The following CTSH variants were observed in gnomAD, a reference collection of about 807,000 sequenced individuals.
The protein encoded by CTSH is cathepsin H.
In CTSH, 52 loss-of-function variants were observed where a neutral mutation model predicts 56.3. The observed-to-expected ratio is 0.92, with a 90% CI of 0.74 to 1.16. The LOEUF is 1.16. Among genes scored for constraint, CTSH ranks in the 50% most tolerant of loss-of-function variants. The pLI, the probability that CTSH is intolerant of heterozygous loss-of-function variation, is 0.00. For missense variants in CTSH, 406 were observed against 424.5 expected (o/e 0.96, Z 0.38); for synonymous variants, 174 against 155.7 (o/e 1.12, Z -0.88).
At chr15:78,937,484 C>G in intron 2 of CTSH, 61 bp from the exon 3 acceptor site, 1 of 1,483,106 alleles carries the variant, frequency 6.7e-7, no homozygotes. Context: ...TAGAGGGAGA[C>G]CTTTTTGTTT....
At chr15:78,928,622 T>C (rs1163337575) in intron 8 of CTSH, among the ~76,000 whole-genome samples, 3 of 143,962 alleles carry the variant, frequency 2.1e-5, no homozygotes, top group Non-Finnish European at 4.5e-5. Flanking sequence ...GGAGACTGAG[T>C]TGGAGTCTGG....
At chr15:78,922,856 T>G in intron 11 of CTSH, 137 bp downstream of exon 11, 1 of 1,029,586 alleles carries the variant, frequency 9.7e-7, no homozygotes, top group Non-Finnish European at 1.4e-6. Context: ...ATGCTCCCTT[T>G]CCCCCTGGCC....
rs1310769564 is a variant in CTSH at position 78,944,895 on chromosome 15, G to A, written c.87C>T (p.Ser29=). The change falls in exon 1 of 12, where the codon TCC becomes TCT. Residue 29 remains serine, a synonymous_variant. Transcript: ENST00000220166. ...VCGAAELCVN[S]LEKFHFKSWM... is the part of the protein sequence containing the mutation. ...GGCGGCGCGCCCTCTGCGTACCTAAGGAGTTCACGCACAGTTCGGCGGCAC... is the reference window on the plus strand; with the variant it reads ...GGCGGCGCGCCCTCTGCGTACCTAAAGAGTTCACGCACAGTTCGGCGGCAC... 1.9e-6 allele frequency: 3 copies of A among 1,548,112 alleles called. No homozygotes were observed. Among genetic ancestry groups the A allele is most frequent in the Admixed American group, 2.0e-5 (1 of 50,838 alleles).
In CTSH at chr15:78,923,112, G is replaced by C. The variant is rs771499004; in HGVS notation, c.813C>G (p.Ser271=). 3 of 1,612,264 alleles carry C rather than the reference G, an allele frequency of 1.9e-6. No homozygotes were observed. Among genetic ancestry groups the C allele is most frequent in the Non-Finnish European group, 2.5e-6 (3 of 1,179,558 alleles). The part of the protein sequence containing the change: ...MYRTGIYSST[S]CHKTPDKVNH... The stretch of plus-strand genomic sequence containing the variant: ...TTACTTTATCTGGAGTTTTATGGCA[G>C]GAAGTACTGGAAAACAAAATTCAAA... Residue 271 remains serine, a synonymous_variant, in exon 11 of 12, where the codon TCC becomes TCG. Transcript: ENST00000220166.
At chr15:78,939,245 T>C in intron 1 of CTSH, 74 bp from the exon 2 acceptor site, 1 of 1,252,212 alleles carries the variant, frequency 8.0e-7, no homozygotes, top group East Asian at 2.5e-5. Flanking sequence ...TAGGGCACTT[T>C]AGAACTGATT....
chr15:78,922,234 CCGG>C, intron 11 of CTSH, 29 bp from the exon 12 acceptor site: 1 of 1,547,188 alleles, frequency 6.5e-7, no homozygotes, highest in Non-Finnish European at 8.8e-7. Flanking sequence ...TGAGGCCCGG[CCGG>C]CGGTCTCCCC....
intron 1 of CTSH, among the ~76,000 whole-genome samples, chr15:78,941,444 A>T (rs887458254): frequency 1.3e-5 from 2 of 148,316 alleles, no homozygotes; most frequent in African/African-American, 4.9e-5. Context: ...AAAAAAAAAA[A>T]AAAAAATTAA....
At chr15:78,938,255 G>T (rs1204982597) in intron 2 of CTSH, among the ~76,000 whole-genome samples, 2 of 152,114 alleles carry the variant, frequency 1.3e-5, no homozygotes, top group Non-Finnish European at 2.9e-5. Context: ...TGTAATCCCA[G>T]CTACTCAGGA....
chr15:78,940,681 G>A (rs1396904309), intron 1 of CTSH, among the ~76,000 whole-genome samples: 1 of 152,188 alleles, frequency 6.6e-6, no homozygotes, highest in Non-Finnish European at 1.5e-5. Flanking sequence ...TATTTAGGCG[G>A]GGTGTGGTGG....
At chr15:78,936,150 C>T (rs1319430662) in intron 3 of CTSH, among the ~76,000 whole-genome samples, 3 of 150,390 alleles carry the variant, frequency 2.0e-5, no homozygotes, top group East Asian at 1.9e-4. Context: ...AGCAGGGATG[C>T]GTGATCATTT....
intron 1 of CTSH, 72 bp downstream of exon 1, chr15:78,944,819 C>T: frequency 1.3e-6 from 2 of 1,485,384 alleles, no homozygotes; most frequent in Non-Finnish European, 9.0e-7. Context: ...CCAGTGCGCC[C>T]CTGGCCAAGT....
At chr15:78,940,264 A>G (rs1209040822) in intron 1 of CTSH, among the ~76,000 whole-genome samples, 1 of 152,230 alleles carries the variant, frequency 6.6e-6, no homozygotes, top group East Asian at 1.9e-4. Context: ...ACCTCCAAAG[A>G]CATATTCCAA....
At chr15:78,927,837 C>T in intron 8 of CTSH, 56 bp from the exon 9 acceptor site, 11 of 1,424,496 alleles carry the variant, frequency 7.7e-6, no homozygotes, top group Middle Eastern at 1.8e-4. Context: ...GTCTCAGCCT[C>T]CCCACGCAGT....
At chr15:78,935,805 A>T in intron 3 of CTSH, 55 bp from the exon 4 acceptor site, 2 of 1,336,978 alleles carry the variant, frequency 1.5e-6, no homozygotes, top group South Asian at 2.4e-5. Context: ...TCACTAATGA[A>T]GAAACAAGAA....
intron 5 of CTSH, among the ~76,000 whole-genome samples, chr15:78,934,392 G>A (rs938132507): frequency 3.9e-5 from 6 of 152,212 alleles, no homozygotes; most frequent in Non-Finnish European, 8.8e-5. Flanking sequence ...GGAGAACAGC[G>A]GGGGCAGGGT....
intron 2 of CTSH, chr15:78,937,652 C>A: frequency 7.2e-7 from 1 of 1,392,440 alleles, no homozygotes; most frequent in Non-Finnish European, 9.4e-7. Flanking sequence ...GCGTGAAAGT[C>A]AGAATGTGGT....
intron 3 of CTSH, 35 bp from the exon 4 acceptor site, chr15:78,935,785 GGTTA>G: frequency 6.7e-7 from 1 of 1,495,566 alleles, no homozygotes; most frequent in Non-Finnish European, 9.3e-7. Context: ...AAACAGAAAT[GGTTA>G]GTGAATCACT....
At chr15:78,941,445 AAAAAAT>A (rs2055288764) in intron 1 of CTSH, among the ~76,000 whole-genome samples, 1 of 148,668 alleles carries the variant, frequency 6.7e-6, no homozygotes, top group African/African-American at 2.5e-5. Context: ...AAAAAAAAAA[AAAAAAT>A]TAAATGTTTT....
At chr15:78,924,399 TA>T (rs2054854679) in intron 10 of CTSH, among the ~76,000 whole-genome samples, 2 of 151,254 alleles carry the variant, frequency 1.3e-5, no homozygotes, top group African/African-American at 2.4e-5. Context: ...TGTGGGGGGT[TA>T]GGGGGTCCAA....
Sources: gnomAD v4.1 joint callset for allele counts (sites outside exome capture counted in the v4.1 genomes callset) on GRCh38, gnomAD v4.1.1 for gene constraint, MANE v1.5 for transcripts, NCBI Gene and HGNC (gene_info 2026-07-23, HGNC 2026-07-21) for gene names.